The following MXI1 variants were observed in gnomAD, a reference collection of about 807,000 sequenced individuals.
MXI1 encodes the protein MAX interactor 1, dimerization protein.
Under a neutral mutation model 36.9 loss-of-function variants are expected in MXI1, and 18 were observed. The ratio of observed to expected loss-of-function variants is 0.49; its 90% CI spans 0.34 to 0.72. MXI1 has a LOEUF of 0.72. MXI1 is among the 30% of genes least tolerant of loss of function. The probability of loss-of-function intolerance (pLI) is 0.01; values close to 1 mark genes in which losing one functional copy is unlikely to be tolerated. For synonymous variants in MXI1, 160 were observed against 146.7 expected, an observed-to-expected ratio of 1.09 and a Z score of -0.65; for missense variants, 304 against 379.1, an observed-to-expected ratio of 0.80 and a Z score of 1.64.
intron 2 of MXI1, among the ~76,000 whole-genome samples, chr10:110,241,928 C>T (rs755441688): frequency 2.0e-5 from 3 of 151,920 alleles, no homozygotes; most frequent in Non-Finnish European, 2.9e-5. Flanking sequence ...TGTAAACCAG[C>T]GAGGTTAAAT....
At chr10:110,261,056 G>C (rs905434115) in intron 3 of MXI1, 1 of 984,846 alleles carries the variant, frequency 1.0e-6, no homozygotes, top group Non-Finnish European at 1.2e-6. Context: ...CAGGAGGAAA[G>C]AGCACACTGC....
chr10:110,271,754 A>T (rs1206947597), intron 3 of MXI1, among the ~76,000 whole-genome samples: 3 of 152,230 alleles, frequency 2.0e-5, no homozygotes, highest in African/African-American at 4.8e-5. Context: ...AAAAATCGTT[A>T]TAGCATTTAG....
chr10:110,246,596 G>A (rs914817715), intron 3 of MXI1, among the ~76,000 whole-genome samples: 1 of 152,164 alleles, frequency 6.6e-6, no homozygotes, highest in African/African-American at 2.4e-5. Context: ...AGGTAGCATT[G>A]TAATTATTTC....
chr10:110,279,800 T>C, intron 4 of MXI1, 114 bp from the exon 5 acceptor site: 2 of 656,426 alleles, frequency 3.0e-6, no homozygotes, highest in Non-Finnish European at 4.6e-6. Context: ...TTTATATATT[T>C]TTATACACAC....
intron 1 of MXI1, among the ~76,000 whole-genome samples, chr10:110,226,856 A>T (rs1590340209): frequency 1.9e-4 from 1 of 5,178 alleles, no homozygotes. Context: ...GGAGCATGTG[A>T]GGGGAGGGGA....
At chr10:110,265,102 T>G (rs1304567988) in intron 3 of MXI1, among the ~76,000 whole-genome samples, 2 of 152,242 alleles carry the variant, frequency 1.3e-5, no homozygotes, top group South Asian at 2.1e-4. Context: ...TGGACACATC[T>G]TTCTTGACAG....
intron 5 of MXI1, among the ~76,000 whole-genome samples, chr10:110,280,459 T>C (rs1301911090): frequency 6.6e-6 from 1 of 151,910 alleles, no homozygotes; most frequent in Non-Finnish European, 1.5e-5. Context: ...GGCGGGCAGA[T>C]CACAAGGTCA....
chr10:110,224,771 C>G (rs575990356), intron 1 of MXI1, among the ~76,000 whole-genome samples: 1 of 152,162 alleles, frequency 6.6e-6, no homozygotes, highest in African/African-American at 2.4e-5. Flanking sequence ...CCTCAGCCTC[C>G]CGAGTAGCTT....
intron 3 of MXI1, among the ~76,000 whole-genome samples, chr10:110,277,923 T>G (rs1590407475): frequency 6.6e-6 from 1 of 152,242 alleles, no homozygotes; most frequent in East Asian, 1.9e-4. Flanking sequence ...CATTATTTCT[T>G]GTCTATTAAG....
chr10:110,246,911 C>A (rs7897645), intron 3 of MXI1, among the ~76,000 whole-genome samples: 81,391 of 152,070 alleles, frequency 0.54, 25,656 homozygotes, highest in African/African-American at 0.85. Context: ...ACTTCTGAGG[C>A]TCCTAAAAAT....
intron 1 of MXI1, among the ~76,000 whole-genome samples, chr10:110,211,137 C>T (rs1380585993): frequency 2.7e-5 from 4 of 150,630 alleles, no homozygotes; most frequent in Non-Finnish European, 1.5e-5. Flanking sequence ...AGGTGCACAA[C>T]CTCCCCGCCT....
At chr10:110,242,234 G>T (rs1044373796) in intron 2 of MXI1, among the ~76,000 whole-genome samples, 1 of 151,888 alleles carries the variant, frequency 6.6e-6, no homozygotes, top group Non-Finnish European at 1.5e-5. Flanking sequence ...TGTCTCTTTT[G>T]AGCTCCCACA....
chr10:110,223,195 A>C (rs1218731951), intron 1 of MXI1, among the ~76,000 whole-genome samples: 1 of 152,228 alleles, frequency 6.6e-6, no homozygotes, highest in Non-Finnish European at 1.5e-5. Flanking sequence ...CTTCCTAACC[A>C]GCTATGGTTC....
intron 5 of MXI1, 56 bp from the exon 6 acceptor site, chr10:110,284,768 G>A (rs1024385150): frequency 2.7e-6 from 4 of 1,480,256 alleles, no homozygotes; most frequent in South Asian, 1.3e-5. Flanking sequence ...GTTAGTTTTT[G>A]AAGGTGCGCT....
intron 1 of MXI1, among the ~76,000 whole-genome samples, chr10:110,209,291 G>A (rs1854446136): frequency 6.6e-6 from 1 of 152,142 alleles, no homozygotes; most frequent in Admixed American, 6.5e-5. Flanking sequence ...CAAGTAGGAA[G>A]ATCAATGAGG....
At position 110,287,286 on chromosome 10, in the gene MXI1, A is replaced by C. The variant is rs551618149; in HGVS notation, c.*2299A>C. On this transcript the variant is annotated 3_prime_UTR_variant, in exon 6 of 6. Transcript: ENST00000332674. The stretch of plus-strand genomic sequence containing the variant: ...GGGTGGTGTAGATTGTATGAGTAAG[A>C]AGTATTAATTTTTTAAAAGACAAAT... 6.6e-5 allele frequency: 10 copies of C among 151,828 alleles called. No homozygotes were observed. Among genetic ancestry groups the C allele is most frequent in the Admixed American group, 6.6e-4 (10 of 15,244 alleles). The allele number at this position is 151,828 out of a possible 1,614,324, so 9.4% of individuals were successfully genotyped here. A position where few individuals can be genotyped will look rare whatever the true frequency, so the allele number is the denominator to read the frequency against.
intron 5 of MXI1, among the ~76,000 whole-genome samples, chr10:110,282,414 AG>A: frequency 6.6e-6 from 1 of 152,158 alleles, no homozygotes; most frequent in African/African-American, 2.4e-5. Flanking sequence ...GCAGTTTTCA[AG>A]AAAAGTCTAC....
At chr10:110,280,578 G>A (rs888271136) in intron 5 of MXI1, among the ~76,000 whole-genome samples, 1 of 151,744 alleles carries the variant, frequency 6.6e-6, no homozygotes, top group Non-Finnish European at 1.5e-5. Context: ...TACTCGGGAG[G>A]CTGAGGCAGG....
chr10:110,236,797 T>C (rs1413071072), intron 2 of MXI1, among the ~76,000 whole-genome samples: 3 of 152,200 alleles, frequency 2.0e-5, no homozygotes, highest in Non-Finnish European at 2.9e-5. Context: ...AGTTTGTCAG[T>C]TTCTACAACA....
Sources: allele counts gnomAD v4.1 joint callset (sites outside exome capture counted in the v4.1 genomes callset), GRCh38; gene constraint gnomAD v4.1.1; transcripts MANE v1.5; gene names NCBI Gene and HGNC (gene_info 2026-07-23, HGNC 2026-07-21).